Variants in KCNIP4 observed in about 807,000 individuals in gnomAD.
The protein encoded by KCNIP4 is potassium voltage-gated channel interacting protein 4.
KCNIP4 carries 12 observed loss-of-function variants against 34.0 expected under a neutral mutation model. That is an observed-to-expected ratio of 0.35 (90% confidence interval 0.23 to 0.57). The LOEUF (loss-of-function observed/expected upper bound fraction) is 0.57. KCNIP4 is among the 20% of genes least tolerant of loss of function. The pLI, the probability that KCNIP4 is intolerant of heterozygous loss-of-function variation, is 0.83. For synonymous variants in KCNIP4, 124 were observed against 102.2 expected (o/e 1.21, Z -1.29); for missense variants, 238 against 311.7 (o/e 0.76, Z 1.78).
chr4:21,561,578 C>T (rs1040148561), intron 1 of KCNIP4, among the ~76,000 whole-genome samples: 1 of 151,876 alleles, frequency 6.6e-6, no homozygotes, highest in Non-Finnish European at 1.5e-5. Flanking sequence ...TGATGGTGGG[C>T]AGCAGCAGTT....
At chr4:21,116,915 A>G (rs976553334) in intron 1 of KCNIP4, among the ~76,000 whole-genome samples, 2 of 151,984 alleles carry the variant, frequency 1.3e-5, no homozygotes, top group Non-Finnish European at 2.9e-5. Context: ...TGTTTTATTT[A>G]TTTTTTCTCT....
intron 3 of KCNIP4, among the ~76,000 whole-genome samples, chr4:20,764,962 A>G (rs1755270444): frequency 6.6e-6 from 1 of 152,068 alleles, no homozygotes; most frequent in Non-Finnish European, 1.5e-5. Context: ...ACTTTCATCA[A>G]CCCTGAAAGG....
At chr4:21,718,336 T>C (rs1354090373) in intron 1 of KCNIP4, 1 of 152,242 alleles carries the variant, frequency 6.6e-6, no homozygotes, top group Admixed American at 6.5e-5. Context: ...TTTGTATTTA[T>C]GCTTATTATG....
chr4:20,771,874 G>T (rs554609727), intron 3 of KCNIP4, among the ~76,000 whole-genome samples: 6 of 152,084 alleles, frequency 3.9e-5, no homozygotes, highest in Non-Finnish European at 8.8e-5. Context: ...GTTTCACCGT[G>T]TTAGCCAGGA....
chr4:20,757,277 A>C (rs1163886567), intron 4 of KCNIP4, among the ~76,000 whole-genome samples: 1 of 152,072 alleles, frequency 6.6e-6, no homozygotes, highest in Admixed American at 6.6e-5. Context: ...GCATATACTT[A>C]TTTAAAGACC....
At chr4:21,427,084 C>A (rs184012056) in intron 1 of KCNIP4, among the ~76,000 whole-genome samples, 1 of 152,072 alleles carries the variant, frequency 6.6e-6, no homozygotes, top group Admixed American at 6.5e-5. Flanking sequence ...ATTTTCAATA[C>A]ATGACTGAGA....
rs148684170 is a variant in KCNIP4, at chr4:21,063,925, G to A, written c.62-181216C>T. On this transcript the variant is annotated intron_variant, in intron 1 of 8. Coordinates refer to ENST00000382152, the MANE Select transcript of KCNIP4 (RefSeq NM_025221.6). ...TCTCACAAACTGAATACTTGCATCC[G>A]AGTGTCCATGTCAAGGAAACAATTT... Among the ~76,000 whole-genome samples, 337 of 152,122 alleles carry A rather than the reference G, an allele frequency of 2.2e-3. 1 individual carries two copies. The highest frequency in any genetic ancestry group is 7.7e-3 in the African/African-American group (321 of 41,520).
rs894716776 is a variant in KCNIP4, at chr4:20,780,895, A to G, written c.289-22005T>C. On this transcript the variant is annotated intron_variant, in intron 3 of 8. Transcript: ENST00000382152. ...ATGGGTTTTTGTTACATGTACTCAA[A>G]AATATCCTAATTTATACCAGAATAG... is the stretch of plus-strand genomic sequence containing the variant. 2.6e-5 allele frequency among the ~76,000 whole-genome samples: 4 copies of G among 152,204 alleles called. No individual in the cohort carries two copies. The East Asian group carries it at 7.7e-4, about 29-fold the overall frequency.
chr4:21,455,843 AT>A (rs2109758495), intron 1 of KCNIP4, among the ~76,000 whole-genome samples: 2 of 110,596 alleles, frequency 1.8e-5, no homozygotes, highest in African/African-American at 8.6e-5. Flanking sequence ...ATATATATAT[AT>A]ATATATATAT....
chr4:20,870,863 C>T (rs553436808), intron 2 of KCNIP4, among the ~76,000 whole-genome samples: 5 of 152,164 alleles, frequency 3.3e-5, no homozygotes, highest in East Asian at 1.9e-4. Context: ...ATGAACTTGC[C>T]GTTCTTCCTC....
chr4:21,394,830 GAA>G (rs34659445), intron 1 of KCNIP4, among the ~76,000 whole-genome samples: 3 of 152,076 alleles, frequency 2.0e-5, no homozygotes, highest in African/African-American at 7.2e-5. Context: ...CCCTGTAACT[GAA>G]AAAGTCTTGA....
chr4:21,193,092 G>A (rs1577864816), intron 1 of KCNIP4, among the ~76,000 whole-genome samples: 2 of 149,980 alleles, frequency 1.3e-5, no homozygotes, highest in Admixed American at 1.3e-4. Flanking sequence ...CTCCAGCCTG[G>A]GAGACAGAGC....
chr4:21,783,770 T>A (rs1177989084), intron 1 of KCNIP4, among the ~76,000 whole-genome samples: 1 of 151,810 alleles, frequency 6.6e-6, no homozygotes, highest in Non-Finnish European at 1.5e-5. Context: ...ATCGGAGGAG[T>A]GGGTAAACAG....
chr4:21,911,330 T>C (rs1728296561), intron 1 of KCNIP4, among the ~76,000 whole-genome samples: 1 of 152,112 alleles, frequency 6.6e-6, no homozygotes, highest in African/African-American at 2.4e-5. Flanking sequence ...TTACATATTC[T>C]ACAAAAATGT....
intron 1 of KCNIP4, among the ~76,000 whole-genome samples, chr4:21,140,291 C>T (rs6821021): frequency 0.53 from 80,232 of 151,786 alleles, 21,783 homozygotes; most frequent in African/African-American, 0.64. Context: ...TAAAAGTACA[C>T]ATTCCATGAG....
Position 21,098,979 on chromosome 4 carries a change from C to T in KCNIP4, c.62-216270G>A, listed in dbSNP as rs11929753. 5.8e-3 allele frequency among the ~76,000 whole-genome samples: 887 copies of T among 152,212 alleles called. 12 individuals carry two copies. Among genetic ancestry groups the T allele is most frequent in the African/African-American group, 0.02 (848 of 41,522 alleles). ...AAAGTCAAAAACCAACAGACACTGA[C>T]GAGGCTGCAGAGAAAAAGGAACGCT... On this transcript the variant is annotated intron_variant, in intron 1 of 8. Coordinates refer to ENST00000382152, the MANE Select transcript of KCNIP4 (RefSeq NM_025221.6).
rs137876235 is a variant in KCNIP4, at chr4:21,537,538, AT to A, written c.61+411032del. Among the ~76,000 whole-genome samples, 1,442 of 152,264 alleles carry A rather than the reference AT, an allele frequency of 9.5e-3. 23 individuals carry two copies. The highest frequency in any genetic ancestry group is 0.031 in the African/African-American group (1,283 of 41,536). The stretch of plus-strand genomic sequence containing the variant: ...AAAAACAAAGAAAAAATACAAAAAA[AT>A]ATCACCATCTGTACTGGGTTGAATA... On this transcript the variant is annotated intron_variant, in intron 1 of 8. Transcript: ENST00000382152.
At chr4:21,116,056 C>G (rs1749648113) in intron 1 of KCNIP4, among the ~76,000 whole-genome samples, 1 of 152,156 alleles carries the variant, frequency 6.6e-6, no homozygotes, top group Non-Finnish European at 1.5e-5. Flanking sequence ...TTTTCCCTCG[C>G]CTTTACACCA....
intron 1 of KCNIP4, among the ~76,000 whole-genome samples, chr4:21,639,499 C>T (rs10446631): frequency 0.44 from 67,145 of 151,918 alleles, 15,376 homozygotes; most frequent in Non-Finnish European, 0.5. Context: ...TATTGTATCA[C>T]AATTAAAATT....
Sources: allele counts gnomAD v4.1 joint callset (sites outside exome capture counted in the v4.1 genomes callset), GRCh38; gene constraint gnomAD v4.1.1; transcripts MANE v1.5; gene names NCBI Gene and HGNC (gene_info 2026-07-23, HGNC 2026-07-21).